Variants in SNX2 observed in about 807,000 individuals in gnomAD.
The protein encoded by SNX2 is sorting nexin-2.
In SNX2, 25 loss-of-function variants were observed where a neutral mutation model predicts 69.9. The ratio of observed to expected loss-of-function variants is 0.36; its 90% CI spans 0.26 to 0.50. The LOEUF is 0.50. Ranked by LOEUF, SNX2 falls within the 20% of genes least tolerant of loss-of-function variation. The probability of loss-of-function intolerance (pLI) is 0.97; values close to 1 mark genes in which losing one functional copy is unlikely to be tolerated. For synonymous variants in SNX2, 229 were observed against 200.4 expected (o/e 1.14, Z -1.20); for missense variants, 551 against 613.3 (o/e 0.90, Z 1.07).
At chr5:122,814,816 C>G (rs906078673) in intron 7 of SNX2, among the ~76,000 whole-genome samples, 5 of 151,708 alleles carry the variant, frequency 3.3e-5, no homozygotes, top group Non-Finnish European at 7.4e-5. Flanking sequence ...GTGGCAGGAT[C>G]TCGGCTCACT....
At chr5:122,804,614 G>A (rs1359711117) in intron 6 of SNX2, among the ~76,000 whole-genome samples, 1 of 151,974 alleles carries the variant, frequency 6.6e-6, no homozygotes, top group African/African-American at 2.4e-5. Flanking sequence ...TGATCTGCCT[G>A]CTTTGGCGTC....
At chr5:122,806,599 TTTTA>T (rs140249573) in intron 6 of SNX2, among the ~76,000 whole-genome samples, 58,634 of 150,448 alleles carry the variant, frequency 0.39, 11,686 homozygotes, top group African/African-American at 0.42. Context: ...TTGTTTGGGG[TTTTA>T]TTTATTTATT....
intron 5 of SNX2, 143 bp from the exon 6 acceptor site, chr5:122,803,329 G>C: frequency 3.2e-6 from 2 of 634,826 alleles, no homozygotes; most frequent in Non-Finnish European, 4.8e-6. Flanking sequence ...TTTTTAGTTA[G>C]AAACCTATAT....
rs79099514 is a variant in SNX2 at position 122,810,625 on chromosome 5, T to G, written c.722+2270T>G. Among the ~76,000 whole-genome samples the G allele has an allele frequency of 5.6e-3, 849 of 152,254 alleles. 11 individuals are homozygous for G. Among genetic ancestry groups the G allele is most frequent in the African/African-American group, 0.018 (767 of 41,536 alleles). ...ATTCTACCTTTACGTTTCTTCCAAC[T>G]TGGCTGCATTGCATAGTACTTACCA... On this transcript the variant is annotated intron_variant, in intron 7 of 14. Transcript: ENST00000379516.
At position 122,815,880 on chromosome 5, in the gene SNX2, T is replaced by C. The variant is rs934931998; in HGVS notation, c.723-16T>C. ...AGATGCTACTGATAAAGGAGCAATTTTACTCTTAAATCTAGGTATCTTCAA... is the reference window on the plus strand; with the variant it reads ...AGATGCTACTGATAAAGGAGCAATTCTACTCTTAAATCTAGGTATCTTCAA... On this transcript the variant is annotated splice_polypyrimidine_tract_variant and intron_variant, in intron 7 of 14. Transcript: ENST00000379516. 4.8e-6 allele frequency: 7 copies of C among 1,467,010 alleles called. No individual in the cohort carries two copies. The highest frequency in any genetic ancestry group is 3.9e-5 in the Admixed American group (2 of 50,814). 90.9% of individuals were successfully genotyped at this position (1,467,010 alleles called of 1,614,324 possible).
chr5:122,829,051 A>T (rs1754221813), intron 14 of SNX2, among the ~76,000 whole-genome samples: 1 of 151,988 alleles, frequency 6.6e-6, no homozygotes, highest in Non-Finnish European at 1.5e-5. Context: ...TGGGAGGTGG[A>T]GGTTGCAGTG....
At chr5:122,784,166 A>G (rs1209578872) in intron 1 of SNX2, among the ~76,000 whole-genome samples, 1 of 149,988 alleles carries the variant, frequency 6.7e-6, no homozygotes, top group Non-Finnish European at 1.5e-5. Context: ...AGATAATCAT[A>G]TTGTTTGTGA....
In SNX2 at chr5:122,816,934, C is replaced by A. The variant is rs1753913329; in HGVS notation, c.818C>A (p.Thr273Lys). 1 of 1,611,350 alleles carries A rather than the reference C, an allele frequency of 6.2e-7. No homozygotes were observed. The highest frequency in any genetic ancestry group is 8.5e-7 in the Non-Finnish European group (1 of 1,177,902). ...ESSELPRAVN[T>K]QALSGAGILR... The stretch of plus-strand genomic sequence containing the variant: ...TTCCAGCTGCCTAGAGCAGTTAATA[C>A]ACAGGCTCTGAGTGGAGCAGGAATA... Residue 273 changes from threonine to lysine, a missense_variant, in exon 9 of 15, where the codon ACA (threonine) becomes AAA (lysine). Transcript: ENST00000379516.
intron 6 of SNX2, among the ~76,000 whole-genome samples, chr5:122,806,760 A>G (rs1466430583): frequency 2.6e-5 from 4 of 152,152 alleles, no homozygotes; most frequent in Admixed American, 2.6e-4. Flanking sequence ...AACAATTCAC[A>G]TCCCAATTCC....
chr5:122,807,174 A>G (rs772202869), intron 6 of SNX2, among the ~76,000 whole-genome samples: 1 of 151,916 alleles, frequency 6.6e-6, no homozygotes, highest in Non-Finnish European at 1.5e-5. Flanking sequence ...GCTACTCAGG[A>G]TTGCTTGAGC....
intron 1 of SNX2, among the ~76,000 whole-genome samples, chr5:122,788,745 TTTC>T (rs1477872381): frequency 6.8e-6 from 1 of 146,332 alleles, no homozygotes; most frequent in East Asian, 1.9e-4. Flanking sequence ...TTTTGTTTTC[TTTC>T]TTCTTTTTGT....
At chr5:122,801,605 TA>T (rs34058769) in intron 3 of SNX2, among the ~76,000 whole-genome samples, 44,673 of 123,572 alleles carry the variant, frequency 0.36, 8,528 homozygotes, top group African/African-American at 0.46. Context: ...ACTCTATCTT[TA>T]AAAAAAAAAA....
chr5:122,817,055 A>C (rs113595830), intron 9 of SNX2, 27 bp downstream of exon 9: 1 of 1,474,930 alleles, frequency 6.8e-7, no homozygotes, highest in African/African-American at 1.4e-5. Flanking sequence ...CGGCTTGAAT[A>C]ATGAGATGAA....
intron 1 of SNX2, among the ~76,000 whole-genome samples, chr5:122,779,004 T>A (rs1752912585): frequency 6.6e-6 from 1 of 152,232 alleles, no homozygotes; most frequent in Non-Finnish European, 1.5e-5. Context: ...AACTTGTTTA[T>A]GAATACTGTT....
chr5:122,827,296 T>C (rs1021219670), intron 12 of SNX2, 83 bp from the exon 13 acceptor site: 1 of 1,111,946 alleles, frequency 9.0e-7, no homozygotes, highest in Admixed American at 2.2e-5. Context: ...TTTTCAGGCA[T>C]TGTGATTAAA....
chr5:122,781,899 T>C (rs1752986806), intron 1 of SNX2, among the ~76,000 whole-genome samples: 1 of 152,022 alleles, frequency 6.6e-6, no homozygotes, highest in Non-Finnish European at 1.5e-5. Context: ...TATATAAAGC[T>C]CCTTGCTTTC....
At chr5:122,790,915 A>G (rs985114178) in intron 1 of SNX2, among the ~76,000 whole-genome samples, 3 of 152,260 alleles carry the variant, frequency 2.0e-5, no homozygotes, top group Middle Eastern at 3.4e-3. Flanking sequence ...GAAGTGGTAA[A>G]AGGGGACAAC....
At chr5:122,821,734 C>T (rs1314906826) in intron 11 of SNX2, among the ~76,000 whole-genome samples, 5 of 152,088 alleles carry the variant, frequency 3.3e-5, no homozygotes, top group Non-Finnish European at 5.9e-5. Flanking sequence ...GGATTACAGG[C>T]GTGAGCCATT....
At chr5:122,815,164 G>A (rs899252742) in intron 7 of SNX2, among the ~76,000 whole-genome samples, 5 of 152,192 alleles carry the variant, frequency 3.3e-5, no homozygotes, top group Non-Finnish European at 5.9e-5. Context: ...AGGCACATGT[G>A]AGCTTTTCTA....
Sources: allele counts gnomAD v4.1 joint callset (sites outside exome capture counted in the v4.1 genomes callset), GRCh38; gene constraint gnomAD v4.1.1; transcripts MANE v1.5; gene names NCBI Gene and HGNC (gene_info 2026-07-23, HGNC 2026-07-21).